The following NLRC3 variants were observed in gnomAD, a reference collection of about 807,000 sequenced individuals.
The protein encoded by NLRC3 is NLR family CARD domain-containing protein 3.
A neutral mutation model predicts 91.6 loss-of-function variants in NLRC3; 87 were observed. That is an observed-to-expected ratio of 0.95 (90% CI 0.80 to 1.14). NLRC3 has a LOEUF of 1.14. NLRC3 is among the 50% of genes most tolerant of loss of function. The probability of loss-of-function intolerance (pLI) is 0.00; values close to 1 mark genes in which losing one functional copy is unlikely to be tolerated. For missense variants in NLRC3, 1,577 were observed against 1,418.6 expected, an observed-to-expected ratio of 1.11 and a Z score of -1.79; for synonymous variants, 694 against 625.3, an observed-to-expected ratio of 1.11 and a Z score of -1.64.
chr16:3,550,030 G>T (rs1054538795), intron 11 of NLRC3, among the ~76,000 whole-genome samples: 2 of 152,196 alleles, frequency 1.3e-5, no homozygotes, highest in Non-Finnish European at 2.9e-5. Flanking sequence ...TGATGTGGGT[G>T]GCCCCAGACA....
chr16:3,564,334 G>A lies in NLRC3; in HGVS notation c.603C>T (p.Val201=), dbSNP rs769343428. The change falls in exon 5 of 20, where the codon GTC becomes GTT. Residue 201 remains valine (V), a synonymous_variant. Transcript: ENST00000359128. The surrounding 1 kb of genome is among the most constrained non-coding windows in gnomAD (Gnocchi z 5.9). ...DRLICSVFPH[V]GEPSLAVAVP... is the part of the protein sequence containing the mutation. ...CTGCCACCGCCAGGCTGGGCTCCCC[G>A]ACGTGCGGGAAGACCGAGCAGATGA... The A allele has an allele frequency of 1.4e-5, 23 of 1,611,472 alleles. No homozygotes were observed. Among genetic ancestry groups the A allele is most frequent in the South Asian group, 4.4e-5 (4 of 90,958 alleles).
rs1180580705 is a variant in NLRC3 at position 3,564,403 on chromosome 16, G to T, written c.534C>A (p.Thr178=). ...GKDFSLVLPL[T]FRDLNTHEKL... ...TCTCGTGGGTGTTGAGATCCCGGAA[G>T]GTCAGAGGCAGCACCAGCGAGAAGT... The change falls in exon 5 of 20, where the codon ACC becomes ACA. Residue 178 remains threonine, a synonymous_variant. Coordinates refer to ENST00000359128, the MANE Select transcript of NLRC3 (RefSeq NM_178844.4). This position sits in a 1 kb window ranked among gnomAD's most constrained non-coding sequence, Gnocchi z 5.9. 1.2e-6 allele frequency: 2 copies of T among 1,612,570 alleles called. No homozygotes were observed. The highest frequency in any genetic ancestry group is 1.3e-5 in the African/African-American group (1 of 74,952).
chr16:3,547,565 CAT>C (rs1057310581), intron 15 of NLRC3, among the ~76,000 whole-genome samples: 1 of 151,820 alleles, frequency 6.6e-6, no homozygotes, highest in African/African-American at 2.4e-5. Context: ...ATCAAGCTGT[CAT>C]ATATCTATGT....
At chr16:3,574,214 C>T (rs2040201909) in intron 1 of NLRC3, among the ~76,000 whole-genome samples, 1 of 151,658 alleles carries the variant, frequency 6.6e-6, no homozygotes, top group South Asian at 2.1e-4. Flanking sequence ...AGGGTTTCAC[C>T]ATGTTGGCCA....
chr16:3,548,104 C>T (rs995388722), intron 15 of NLRC3, 31 bp downstream of exon 15: 50 of 1,473,492 alleles, frequency 3.4e-5, no homozygotes, highest in East Asian at 9.7e-5. Context: ...CAACAGCCCC[C>T]GCCCTGCAGC....
At chr16:3,569,395 T>TATATA (rs1491362144) in intron 1 of NLRC3, among the ~76,000 whole-genome samples, 37 of 47,730 alleles carry the variant, frequency 7.8e-4, no homozygotes, top group African/African-American at 2.5e-3. Context: ...TATATATATA[T>TATATA]TATTTTTTTT....
rs950963211 is a variant in NLRC3, at chr16:3,554,123, G to A, written c.2267+119C>T. The A allele has an allele frequency of 6.9e-6, 5 of 725,880 alleles. No homozygotes were observed. The African/African-American group carries it at 6.9e-5, about 10-fold the overall frequency. 45.0% of individuals were successfully genotyped at this position (725,880 alleles called of 1,614,324 possible). On this transcript the variant is annotated intron_variant, in intron 9 of 19. Coordinates refer to ENST00000359128, the MANE Select transcript of NLRC3 (RefSeq NM_178844.4). Reference sequence around the variant, plus strand: ...ATGGGCATCAGGGGCCATCCAGATGGGTCAGAAGGCCTCAGGTCCTAGCCC... The same window carrying A: ...ATGGGCATCAGGGGCCATCCAGATGAGTCAGAAGGCCTCAGGTCCTAGCCC...
chr16:3,563,548 T>TCC lies in NLRC3; in HGVS notation c.1388_1389insGG (p.Ala464GlufsTer133), dbSNP rs772112104. On this transcript the variant is annotated frameshift_variant, in exon 5 of 20. Transcript: ENST00000359128. LOFTEE classifies it high-confidence loss of function. ...TGGATGCGCCATAGTAATACGCGGC[T>TCC]GCCACAAACTCCTGCAGGGACAGGT... is the stretch of plus-strand genomic sequence containing the variant. 6.8e-6 allele frequency: 11 copies of TCC among 1,610,990 alleles called. No individual in the cohort carries two copies. In the South Asian group the frequency reaches 1.1e-4, roughly 16 times the overall value.
chr16:3,554,199 G>A (rs1475434785), intron 9 of NLRC3, 43 bp downstream of exon 9: 1 of 1,426,704 alleles, frequency 7.0e-7, no homozygotes, highest in East Asian at 2.3e-5. Context: ...GGAGGAGGAG[G>A]GAGAAGGGAG....
chr16:3,567,075 G>A (rs113131243), intron 2 of NLRC3, among the ~76,000 whole-genome samples, 168 bp downstream of exon 2: 15 of 152,262 alleles, frequency 9.9e-5, no homozygotes, highest in African/African-American at 2.9e-4. Context: ...CCCTCTGCTC[G>A]TGGGGATTGT....
At chr16:3,543,866 C>T (rs535371271) in intron 16 of NLRC3, 8 of 342,550 alleles carry the variant, frequency 2.3e-5, no homozygotes, top group East Asian at 5.8e-5. Context: ...ACAAAAATAA[C>T]GTCCAGGCCA....
Position 3,549,191 on chromosome 16 carries a change from G to T in NLRC3, c.2554C>A (p.Gln852Lys). ...GCGCAGAGGGCATGAGCGATGGCCTGGGCTCCCTCGGGACTGATGGAGTTT... is the reference window on the plus strand; with the variant it reads ...GCGCAGAGGGCATGAGCGATGGCCTTGGCTCCCTCGGGACTGATGGAGTTT... ...RENSISPEGA[Q>K]AIAHALCANS... The change falls in exon 13 of 20, where the codon CAG (glutamine) becomes AAG (lysine). Residue 852 changes from glutamine (Q) to lysine (K), a missense_variant. Coordinates refer to ENST00000359128, the MANE Select transcript of NLRC3 (RefSeq NM_178844.4). The T allele has an allele frequency of 6.3e-7, 1 of 1,588,502 alleles. No individual in the cohort carries two copies. The highest frequency in any genetic ancestry group is 2.3e-5 in the East Asian group (1 of 43,854).
intron 15 of NLRC3, among the ~76,000 whole-genome samples, chr16:3,547,024 G>A (rs1342198785): frequency 2.6e-5 from 4 of 152,116 alleles, no homozygotes; most frequent in African/African-American, 7.2e-5. Flanking sequence ...GTTCCCTCAC[G>A]CCCCAGCGAC....
At chr16:3,567,076 TG>T (rs1329005830) in intron 2 of NLRC3, among the ~76,000 whole-genome samples, 166 bp downstream of exon 2, 1 of 152,128 alleles carries the variant, frequency 6.6e-6, no homozygotes, top group Non-Finnish European at 1.5e-5. Context: ...CCTCTGCTCG[TG>T]GGGATTGTGA....
At chr16:3,554,403 G>C in intron 8 of NLRC3, 78 bp from the exon 9 acceptor site, 4 of 1,082,834 alleles carry the variant, frequency 3.7e-6, no homozygotes, top group Non-Finnish European at 5.6e-6. Flanking sequence ...CTGCAGTGGG[G>C]GCACCTCTGT....
intron 14 of NLRC3, 94 bp from the exon 15 acceptor site, chr16:3,548,312 C>G (rs2038806311): frequency 1.0e-6 from 1 of 969,804 alleles, no homozygotes; most frequent in Admixed American, 2.0e-5. Context: ...AGGTGGAATC[C>G]CTGCAGGATG....
intron 6 of NLRC3, among the ~76,000 whole-genome samples, chr16:3,560,870 A>T (rs1332388971): frequency 6.6e-6 from 1 of 151,720 alleles, no homozygotes; most frequent in Non-Finnish European, 1.5e-5. Context: ...CGTGTTAGTC[A>T]GGATGGTCTC....
rs57472785 is a variant in NLRC3, at chr16:3,561,601, C to T, written c.2015+101G>A. 427 of 771,006 alleles carry T rather than the reference C, an allele frequency of 5.5e-4. No homozygotes were observed. The African/African-American group carries it at 6.3e-3, about 11-fold the overall frequency. The allele number at this position is 771,006 out of a possible 1,614,324, so 47.8% of individuals were successfully genotyped here. On this transcript the variant is annotated intron_variant, in intron 6 of 19. Transcript: ENST00000359128. ...GCCACATGCTCCAAAGACACTTCTC[C>T]GTGGCAGCGCCGCTGGCCAGCTGAG...
Position 3,544,339 on chromosome 16 carries a change from G to C in NLRC3, c.2772-10C>G. Reference sequence around the variant, plus strand: ...GGCGTTCTCCTGTAAACTAGACACAGAGTATGACCCCTTTGGGTGCACGGG... The same window carrying C: ...GGCGTTCTCCTGTAAACTAGACACACAGTATGACCCCTTTGGGTGCACGGG... On this transcript the variant is annotated splice_polypyrimidine_tract_variant and intron_variant, in intron 15 of 19. Transcript: ENST00000359128. 1 of 1,604,172 alleles carries C rather than the reference G, an allele frequency of 6.2e-7. No individual in the cohort carries two copies. Among genetic ancestry groups the C allele is most frequent in the Non-Finnish European group, 8.5e-7 (1 of 1,171,152 alleles).
Sources: gnomAD v4.1 joint callset for allele counts (sites outside exome capture counted in the v4.1 genomes callset) on GRCh38, gnomAD v4.1.1 for gene constraint, Gnocchi (gnomAD v3.1) non-coding constraint, MANE v1.5 for transcripts, NCBI Gene and HGNC (gene_info 2026-07-23, HGNC 2026-07-21) for gene names.